PKIB: variants seen among roughly 807,000 people sequenced by gnomAD.
The protein encoded by PKIB is cAMP-dependent protein kinase inhibitor beta, also known as PKI-beta.
A neutral mutation model predicts 4.5 loss-of-function variants in PKIB; 2 were observed. The ratio of observed to expected loss-of-function variants is 0.44; its 90% CI spans 0.18 to 1.39. PKIB has a LOEUF of 1.39. PKIB is among the 40% of genes most tolerant of loss of function. PKIB has a pLI of 0.27. For missense variants in PKIB, 94 were observed against 92.6 expected, an observed-to-expected ratio of 1.02 and a Z score of -0.06; for synonymous variants, 38 against 36.0, an observed-to-expected ratio of 1.06 and a Z score of -0.20.
intron 2 of PKIB, among the ~76,000 whole-genome samples, chr6:122,511,759 C>T (rs1254264422): frequency 6.6e-6 from 1 of 152,184 alleles, no homozygotes; most frequent in East Asian, 1.9e-4. Context: ...GAAAGGGAGG[C>T]AGTACGTCAT....
At chr6:122,481,899 G>T (rs1275612021) in intron 2 of PKIB, 1 of 151,558 alleles carries the variant, frequency 6.6e-6, no homozygotes, top group Admixed American at 6.6e-5. Context: ...CAACACCCAG[G>T]GTTTTTGTAA....
chr6:122,589,892 A>C (rs1773966572), intron 3 of PKIB, among the ~76,000 whole-genome samples: 1 of 152,164 alleles, frequency 6.6e-6, no homozygotes, highest in African/African-American at 2.4e-5. Context: ...CAAATAAGTG[A>C]TCCTCAAATA....
intron 2 of PKIB, among the ~76,000 whole-genome samples, chr6:122,525,525 G>T (rs1185661459): frequency 4.6e-5 from 7 of 152,056 alleles, no homozygotes; most frequent in African/African-American, 1.7e-4. Flanking sequence ...GATATTGTGG[G>T]TTCAATCACA....
chr6:122,610,318 C>A (rs1309059640), upstream of PKIB: 4 of 152,322 alleles, frequency 2.6e-5, no homozygotes, highest in Non-Finnish European at 4.4e-5. Flanking sequence ...GGGAGCCGCG[C>A]TCGTAGCCTG....
chr6:122,624,661 A>G (rs1017703199), intron 1 of PKIB, among the ~76,000 whole-genome samples: 3 of 152,216 alleles, frequency 2.0e-5, no homozygotes, highest in African/African-American at 7.2e-5. Flanking sequence ...ATCCAGATCA[A>G]AAGTCCAAGA....
chr6:122,484,198 C>T (rs865780010), intron 2 of PKIB: 1 of 151,346 alleles, frequency 6.6e-6, no homozygotes, highest in African/African-American at 2.4e-5. Flanking sequence ...AAAAAAAAAA[C>T]CACTCTTGCA....
chr6:122,619,635 G>A (rs1274617601), intron 1 of PKIB, among the ~76,000 whole-genome samples: 1 of 151,688 alleles, frequency 6.6e-6, no homozygotes, highest in Non-Finnish European at 1.5e-5. Flanking sequence ...AGCCCTAGAA[G>A]GAAAAAAATT....
chr6:122,685,757 T>C (rs370611265), intron 3 of PKIB, among the ~76,000 whole-genome samples: 1 of 151,910 alleles, frequency 6.6e-6, no homozygotes. Context: ...TCTTTCTATA[T>C]TTTTTTGTAC....
At chr6:122,693,193 CA>C (rs1475412149) in intron 3 of PKIB, among the ~76,000 whole-genome samples, 1 of 152,204 alleles carries the variant, frequency 6.6e-6, no homozygotes, top group Non-Finnish European at 1.5e-5. Flanking sequence ...GACCCCAGAA[CA>C]CAAGGCTTCA....
chr6:122,498,280 G>C (rs1371469684), intron 2 of PKIB, among the ~76,000 whole-genome samples: 1 of 152,196 alleles, frequency 6.6e-6, no homozygotes, highest in Non-Finnish European at 1.5e-5. Flanking sequence ...AAGAGAGCTT[G>C]CGCAGGGAAA....
intron 2 of PKIB, among the ~76,000 whole-genome samples, chr6:122,638,077 G>A (rs940634670): frequency 6.6e-6 from 1 of 152,132 alleles, no homozygotes; most frequent in South Asian, 2.1e-4. Context: ...AATCGCAGAG[G>A]AGTGACACAA....
intron 2 of PKIB, among the ~76,000 whole-genome samples, chr6:122,539,847 C>T (rs1582685516): frequency 6.6e-6 from 1 of 152,036 alleles, no homozygotes; most frequent in African/African-American, 2.4e-5. Flanking sequence ...TGATTATTGC[C>T]ACAATTTCAG....
At chr6:122,589,232 A>G (rs1773945109) in intron 3 of PKIB, among the ~76,000 whole-genome samples, 1 of 152,176 alleles carries the variant, frequency 6.6e-6, no homozygotes, top group Non-Finnish European at 1.5e-5. Context: ...GGAATGGTTA[A>G]ATAAATGTTA....
At chr6:122,573,080 C>A (rs539883321) in intron 2 of PKIB, among the ~76,000 whole-genome samples, 5 of 151,984 alleles carry the variant, frequency 3.3e-5, no homozygotes, top group Non-Finnish European at 5.9e-5. Context: ...TGAAACTATT[C>A]GAAAAGATAA....
chr6:122,717,619 G>A, intron 3 of PKIB, 168 bp from the exon 4 acceptor site: 1 of 663,830 alleles, frequency 1.5e-6, no homozygotes, highest in Non-Finnish European at 2.5e-6. Context: ...CAGCAAATGT[G>A]CAAATGGATG....
intron 3 of PKIB, among the ~76,000 whole-genome samples, chr6:122,692,217 G>A (rs1438776852): frequency 6.6e-6 from 1 of 152,186 alleles, no homozygotes; most frequent in East Asian, 1.9e-4. Context: ...TTTGCTCAAG[G>A]CCCTAGGGCT....
At chr6:122,484,674 T>G (rs1398251136) in intron 2 of PKIB, among the ~76,000 whole-genome samples, 2 of 152,232 alleles carry the variant, frequency 1.3e-5, no homozygotes, top group African/African-American at 4.8e-5. Flanking sequence ...TATTTAATAT[T>G]GTTTAATCCA....
intron 2 of PKIB, among the ~76,000 whole-genome samples, chr6:122,504,426 T>C (rs1562231757): frequency 6.6e-6 from 1 of 152,230 alleles, no homozygotes; most frequent in Non-Finnish European, 1.5e-5. Context: ...TTTACTGTGT[T>C]CCAAATGGTA....
At chr6:122,519,326 C>T (rs1321190721) in intron 2 of PKIB, among the ~76,000 whole-genome samples, 6 of 152,048 alleles carry the variant, frequency 3.9e-5, no homozygotes, top group African/African-American at 1.4e-4. Flanking sequence ...AAGCTCAGGG[C>T]TCCCACTGAT....
Sources: gnomAD v4.1 joint callset for allele counts (sites outside exome capture counted in the v4.1 genomes callset) on GRCh38, gnomAD v4.1.1 for gene constraint, MANE v1.5 for transcripts, NCBI Gene and HGNC (gene_info 2026-07-23, HGNC 2026-07-21) for gene names.